SEMA6D: variants seen among roughly 807,000 people sequenced by gnomAD.
SEMA6D encodes the protein semaphorin-6D.
Under a neutral mutation model 106.6 loss-of-function variants are expected in SEMA6D, and 35 were observed. That is an observed-to-expected ratio of 0.33 (90% CI 0.25 to 0.44). The LOEUF is 0.44. Ranked by LOEUF, SEMA6D falls within the 20% of genes least tolerant of loss-of-function variation. The probability of loss-of-function intolerance (pLI) is 1.00; values close to 1 mark genes in which losing one functional copy is unlikely to be tolerated. For synonymous variants in SEMA6D, 499 were observed against 487.7 expected (o/e 1.02, Z -0.31); for missense variants, 1,185 against 1,345.9 (o/e 0.88, Z 1.87).
At chr15:47,443,309 G>A (rs758014665) in intron 2 of SEMA6D, among the ~76,000 whole-genome samples, 2 of 152,078 alleles carry the variant, frequency 1.3e-5, no homozygotes, top group Non-Finnish European at 2.9e-5. Flanking sequence ...GACTTTTGAG[G>A]CTAGGTTGTA....
At chr15:47,332,894 G>T (rs192848277) in intron 1 of SEMA6D, among the ~76,000 whole-genome samples, 3 of 152,106 alleles carry the variant, frequency 2.0e-5, no homozygotes, top group Admixed American at 2.0e-4. Flanking sequence ...AGCCACAGGC[G>T]CAAGTAGACA....
intron 1 of SEMA6D, among the ~76,000 whole-genome samples, chr15:47,324,506 C>T (rs1354894973): frequency 6.6e-6 from 1 of 151,996 alleles, no homozygotes; most frequent in African/African-American, 2.4e-5. Context: ...TAACAGCACT[C>T]CATAGGGAAA....
intron 1 of SEMA6D, among the ~76,000 whole-genome samples, chr15:47,203,421 C>G (rs7170366): frequency 0.42 from 63,778 of 152,030 alleles, 14,133 homozygotes; most frequent in African/African-American, 0.54. Context: ...ACCACACCCA[C>G]GCAGATTTTT....
chr15:47,654,591 G>A (rs1377979366), intron 4 of SEMA6D, among the ~76,000 whole-genome samples: 1 of 152,174 alleles, frequency 6.6e-6, no homozygotes, highest in Non-Finnish European at 1.5e-5. Context: ...GGCCTGGTGG[G>A]AGGTGATTGG....
chr15:47,530,885 G>T (rs2044938542), intron 3 of SEMA6D, among the ~76,000 whole-genome samples: 1 of 152,124 alleles, frequency 6.6e-6, no homozygotes, highest in Admixed American at 6.5e-5. Context: ...GCTAAGAATG[G>T]TGCCTGTCCC....
intron 1 of SEMA6D, among the ~76,000 whole-genome samples, chr15:47,286,945 G>T (rs1040646806): frequency 6.6e-6 from 1 of 152,214 alleles, no homozygotes; most frequent in South Asian, 2.1e-4. Flanking sequence ...ACCCATCAAG[G>T]TGTCTAGTGG....
chr15:47,395,462 C>T (rs966820066), intron 1 of SEMA6D: 3 of 152,284 alleles, frequency 2.0e-5, no homozygotes, highest in South Asian at 2.1e-4. Flanking sequence ...CTTTTTCAAT[C>T]ATTTCATGGA....
intron 3 of SEMA6D, among the ~76,000 whole-genome samples, chr15:47,492,356 A>T (rs573129297): frequency 1.2e-4 from 18 of 152,186 alleles, no homozygotes; most frequent in Non-Finnish European, 1.9e-4. Context: ...AAAGGGAGCA[A>T]AACTGAAAAT....
upstream of SEMA6D, among the ~76,000 whole-genome samples, chr15:47,716,465 T>C (rs2079119575): frequency 6.6e-6 from 1 of 152,196 alleles, no homozygotes; most frequent in African/African-American, 2.4e-5. Context: ...CTTCTCTCTT[T>C]CACGGTAATT....
chr15:47,245,295 T>C (rs1270588972), intron 1 of SEMA6D, among the ~76,000 whole-genome samples: 1 of 152,232 alleles, frequency 6.6e-6, no homozygotes, highest in Non-Finnish European at 1.5e-5. Flanking sequence ...CTACAGTGGC[T>C]GAGCTAATTT....
At chr15:47,704,894 C>CA (rs2078884245) in intron 4 of SEMA6D, among the ~76,000 whole-genome samples, 1 of 152,028 alleles carries the variant, frequency 6.6e-6, no homozygotes, top group Non-Finnish European at 1.5e-5. Context: ...TTGAACATAG[C>CA]AAAAAATTAT....
In SEMA6D at chr15:47,584,947, G is replaced by A. The variant is rs201069186; in HGVS notation, c.-86-15918G>A. Reference sequence around the variant, plus strand: ...GTGATTCTTGATTCTACTCAGAAAAGGTGGGGATATTGAGGAAGTGATATT... The same window carrying A: ...GTGATTCTTGATTCTACTCAGAAAAAGTGGGGATATTGAGGAAGTGATATT... On this transcript the variant is annotated intron_variant, in intron 3 of 19. Transcript: ENST00000558014. 8.7e-3 allele frequency among the ~76,000 whole-genome samples: 1,319 copies of A among 152,282 alleles called. 8 individuals carry two copies. The highest frequency in any genetic ancestry group is 0.021 in the Admixed American group (315 of 15,292).
Position 47,337,429 on chromosome 15 carries a change from C to T in SEMA6D, c.-238-74964C>T, listed in dbSNP as rs185740216. Among the ~76,000 whole-genome samples the T allele has an allele frequency of 2.1e-3, 315 of 152,270 alleles. 6 individuals are homozygous for T. Among genetic ancestry groups the T allele is most frequent in the Admixed American group, 0.019 (284 of 15,292 alleles). The stretch of plus-strand genomic sequence containing the variant: ...CTGATGCTGATAACCCTGAGGGCTA[C>T]AAATGGGTCTTGACAGGAATAGGCA... On this transcript the variant is annotated intron_variant, in intron 1 of 19. Coordinates refer to the SEMA6D transcript ENST00000558014.
chr15:47,552,555 CACAT>C (rs1420071609), intron 3 of SEMA6D, among the ~76,000 whole-genome samples: 16 of 124,510 alleles, frequency 1.3e-4, no homozygotes, highest in Admixed American at 3.2e-4. Flanking sequence ...CACACACACA[CACAT>C]ATGGCAAGGC....
chr15:47,552,486 CTG>C (rs1210627762), intron 3 of SEMA6D, among the ~76,000 whole-genome samples: 1 of 138,808 alleles, frequency 7.2e-6, no homozygotes, highest in Non-Finnish European at 1.6e-5. Flanking sequence ...GTGTGTGTGT[CTG>C]TGTGTGTATA....
At position 47,717,534 on chromosome 15, in the gene SEMA6D, G is replaced by A. The variant is rs1021689430; in HGVS notation, c.-213G>A. 6.5e-6 allele frequency: 1 copy of A among 154,844 alleles called. No individual in the cohort carries two copies. Among genetic ancestry groups the A allele is most frequent in the African/African-American group, 2.4e-5 (1 of 41,464 alleles). The allele number at this position is 154,844 out of a possible 1,614,324, so 9.6% of individuals were successfully genotyped here. The stretch of plus-strand genomic sequence containing the variant: ...CGCTGCTGCTGCTGCTGCTGCAAGG[G>A]GTGGTGGCGAGTTTCAGGATTCTAT... On this transcript the variant is annotated 5_prime_UTR_variant, in exon 1 of 19. Transcript: ENST00000536845.
At chr15:47,367,927 AC>A (rs1381589480) in intron 1 of SEMA6D, among the ~76,000 whole-genome samples, 1 of 150,820 alleles carries the variant, frequency 6.6e-6, no homozygotes, top group Non-Finnish European at 1.5e-5. Context: ...AGATGAGGAC[AC>A]TTCTGGGAGA....
intron 3 of SEMA6D, among the ~76,000 whole-genome samples, chr15:47,488,068 A>G (rs1198413706): frequency 1.3e-5 from 2 of 152,074 alleles, no homozygotes; most frequent in African/African-American, 4.8e-5. Flanking sequence ...ACCTGTTTCT[A>G]GCCTTTCTAT....
At chr15:47,299,708 T>G (rs1306264878) in intron 1 of SEMA6D, among the ~76,000 whole-genome samples, 1 of 152,228 alleles carries the variant, frequency 6.6e-6, no homozygotes, top group East Asian at 1.9e-4. Flanking sequence ...TTAAATACAC[T>G]TGAGTAACCT....
Sources: allele counts gnomAD v4.1 joint callset (sites outside exome capture counted in the v4.1 genomes callset), GRCh38; gene constraint gnomAD v4.1.1; transcripts MANE v1.5; gene names NCBI Gene and HGNC (gene_info 2026-07-23, HGNC 2026-07-21).